The following SLC48A1 variants were observed in gnomAD, a reference collection of about 807,000 sequenced individuals.
SLC48A1 encodes the protein heme transporter HRG1.
A neutral mutation model predicts 14.8 loss-of-function variants in SLC48A1; 6 were observed. That is an observed-to-expected ratio of 0.41 (90% confidence interval 0.22 to 0.80). The LOEUF is 0.80. Among genes scored for constraint, SLC48A1 ranks in the 30% least tolerant of loss-of-function variants. SLC48A1 has a pLI of 0.34. For synonymous variants in SLC48A1, 89 were observed against 90.0 expected (o/e 0.99, Z 0.06); for missense variants, 165 against 204.8 (o/e 0.81, Z 1.19).
upstream of SLC48A1, among the ~76,000 whole-genome samples, chr12:47,768,176 C>T (rs1942556417): frequency 6.6e-6 from 1 of 152,176 alleles, no homozygotes; most frequent in African/African-American, 2.4e-5. Context: ...TGGGTTTTGC[C>T]ATGTTGGCCA....
intron 1 of SLC48A1, among the ~76,000 whole-genome samples, chr12:47,775,317 G>A (rs961039386): frequency 6.6e-6 from 1 of 152,170 alleles, no homozygotes; most frequent in Non-Finnish European, 1.5e-5. Context: ...GCTTCCCTTG[G>A]CCTATGAGGC....
At chr12:47,770,571 T>C (rs1463638961), upstream of SLC48A1, among the ~76,000 whole-genome samples, 1 of 152,226 alleles carries the variant, frequency 6.6e-6, no homozygotes, top group African/African-American at 2.4e-5. Context: ...TTGAAGTAGG[T>C]GTTACTGCAG....
intron 2 of SLC48A1, among the ~76,000 whole-genome samples, chr12:47,761,196 C>CAA (rs35422100): frequency 0.038 from 3,872 of 101,934 alleles, 197 homozygotes; most frequent in African/African-American, 0.12. Flanking sequence ...AACTCCATCT[C>CAA]AAAAAAAAAA....
chr12:47,754,086 T>C (rs906500402), upstream of SLC48A1: 4 of 152,228 alleles, frequency 2.6e-5, no homozygotes, highest in African/African-American at 7.2e-5. Context: ...GGTATTTGTT[T>C]CCTATTTCAC....
At chr12:47,764,879 C>T (rs1395837623) in intron 2 of SLC48A1, among the ~76,000 whole-genome samples, 1 of 151,938 alleles carries the variant, frequency 6.6e-6, no homozygotes, top group Non-Finnish European at 1.5e-5. Context: ...GAGATCGAGA[C>T]CATCCTGGCC....
At position 47,782,573 on chromosome 12, in the gene SLC48A1, A is replaced by C. The variant is rs1194012448; in HGVS notation, c.*2292A>C. ...AATGGGTTCTTCCTGCAGGGCAGGA[A>C]GGGCAGATTGTTAAAGGGGCTGCGG... On this transcript the variant is annotated 3_prime_UTR_variant, in exon 3 of 3. Transcript: ENST00000442218. The C allele has an allele frequency of 6.6e-6, 1 of 152,242 alleles. No homozygotes were observed. The highest frequency in any genetic ancestry group is 2.4e-5 in the African/African-American group (1 of 41,458). 9.4% of individuals were successfully genotyped at this position (152,242 alleles called of 1,614,324 possible). A position where few individuals can be genotyped will look rare whatever the true frequency, so the allele number is the denominator to read the frequency against.
intron 2 of SLC48A1, among the ~76,000 whole-genome samples, chr12:47,779,754 G>A (rs568438283): frequency 7.4e-4 from 112 of 152,360 alleles, no homozygotes; most frequent in African/African-American, 2.6e-3. Context: ...CACACAGCAG[G>A]TGAGGGGCAA....
At chr12:47,767,202 T>A (rs946094336), upstream of SLC48A1, among the ~76,000 whole-genome samples, 2 of 71,730 alleles carry the variant, frequency 2.8e-5, no homozygotes, top group African/African-American at 1.1e-4. Flanking sequence ...GGTGGGGGGG[T>A]GGAGGGGCGG....
intron 2 of SLC48A1, 137 bp downstream of exon 2, chr12:47,779,332 T>A: frequency 7.9e-7 from 1 of 1,268,898 alleles, no homozygotes; most frequent in Non-Finnish European, 1.1e-6. Context: ...CGGGTTTTGT[T>A]ATGGTTCATG....
At chr12:47,769,310 T>C (rs1023605791), upstream of SLC48A1, 1 of 152,316 alleles carries the variant, frequency 6.6e-6, no homozygotes, top group Non-Finnish European at 1.5e-5. Flanking sequence ...GTGCATCTTG[T>C]AGGGGTCGTA....
rs573410323 is a variant in SLC48A1 at position 47,777,499 on chromosome 12, C to G, written c.137-1529C>G. 9.2e-5 allele frequency among the ~76,000 whole-genome samples: 14 copies of G among 152,308 alleles called. No individual in the cohort carries two copies. Among genetic ancestry groups the G allele is most frequent in the African/African-American group, 3.4e-4 (14 of 41,572 alleles). On this transcript the variant is annotated intron_variant, in intron 1 of 2. Coordinates refer to ENST00000442218, the MANE Select transcript of SLC48A1 (RefSeq NM_017842.3). This position sits in a 1 kb window ranked among gnomAD's most constrained non-coding sequence, Gnocchi z 4.5. Reference sequence around the variant, plus strand: ...CCACCCATTTTTAGATGTGGAAACACCAAGGCTTTGGGACACAGCAGTGCC... The same window carrying G: ...CCACCCATTTTTAGATGTGGAAACAGCAAGGCTTTGGGACACAGCAGTGCC...
chr12:47,758,292 G>C, upstream of SLC48A1: 2 of 1,431,034 alleles, frequency 1.4e-6, no homozygotes, highest in Non-Finnish European at 1.8e-6. Context: ...CTGGCTCTTG[G>C]AAAAGATCAG....
rs150095539 is a variant in SLC48A1, at chr12:47,765,391, G to A, written c.-187+4990G>A. Among the ~76,000 whole-genome samples the A allele has an allele frequency of 2.6e-3, 396 of 152,354 alleles. 2 individuals are homozygous for A. The highest frequency in any genetic ancestry group is 9.1e-3 in the African/African-American group (377 of 41,586). On this transcript the variant is annotated intron_variant, in intron 2 of 4. Coordinates refer to the SLC48A1 transcript ENST00000547002. ...CACTGCTCTGCCTTCCCACCCCTCA[G>A]CCTCAGCCCCTCCTGCTTTAGCCGC...
At chr12:47,775,325 G>A (rs898436605) in intron 1 of SLC48A1, among the ~76,000 whole-genome samples, 2 of 152,182 alleles carry the variant, frequency 1.3e-5, no homozygotes, top group Non-Finnish European at 2.9e-5. Flanking sequence ...TGGCCTATGA[G>A]GCAGGCCAGC....
At chr12:47,759,645 G>T (rs1023979948) in intron 1 of SLC48A1, among the ~76,000 whole-genome samples, 44 of 152,234 alleles carry the variant, frequency 2.9e-4, no homozygotes, top group African/African-American at 1.0e-3. Flanking sequence ...TGCTACCGAG[G>T]CTCCACGCCT....
At chr12:47,759,003 AG>A in intron 1 of SLC48A1, 1 of 990,482 alleles carries the variant, frequency 1.0e-6, no homozygotes, top group Non-Finnish European at 1.2e-6. Flanking sequence ...GCGTAGGGGA[AG>A]GGGGCCGGCA....
chr12:47,754,988 G>A (rs1315315520), upstream of SLC48A1, among the ~76,000 whole-genome samples: 1 of 152,232 alleles, frequency 6.6e-6, no homozygotes, highest in African/African-American at 2.4e-5. Context: ...ACAGCCTGGG[G>A]ACCTGTCAGA....
intron 1 of SLC48A1, among the ~76,000 whole-genome samples, chr12:47,774,823 G>A (rs1004026319): frequency 2.0e-5 from 3 of 152,164 alleles, no homozygotes; most frequent in African/African-American, 7.2e-5. Flanking sequence ...ATCTCTGCGC[G>A]TTATCTACAG....
chr12:47,780,134 T>C lies in SLC48A1; in HGVS notation c.305-11T>C, dbSNP rs1389577356. ...CTGCCAAAGTCACTGTCGGTACTTC[T>C]CTCCCTGCAGGCCTCACAGACCCCA... On this transcript the variant is annotated splice_polypyrimidine_tract_variant and intron_variant, in intron 2 of 2. Coordinates refer to ENST00000442218, the MANE Select transcript of SLC48A1 (RefSeq NM_017842.3). The C allele has an allele frequency of 6.4e-7, 1 of 1,564,072 alleles. No individual in the cohort carries two copies. The highest frequency in any genetic ancestry group is 1.2e-5 in the South Asian group (1 of 84,456).
Sources: gnomAD v4.1 joint callset for allele counts (sites outside exome capture counted in the v4.1 genomes callset) on GRCh38, gnomAD v4.1.1 for gene constraint, Gnocchi (gnomAD v3.1) non-coding constraint, MANE v1.5 for transcripts, NCBI Gene and HGNC (gene_info 2026-07-23, HGNC 2026-07-21) for gene names.